The following PRPSAP2 variants were observed in gnomAD, a reference collection of about 807,000 sequenced individuals.
PRPSAP2 encodes the protein phosphoribosyl pyrophosphate synthase-associated protein 2.
In PRPSAP2, 24 loss-of-function variants were observed where a neutral mutation model predicts 40.6. The observed-to-expected ratio is 0.59, with a 90% CI of 0.43 to 0.83. PRPSAP2 has a LOEUF of 0.83. PRPSAP2 is among the 40% of genes least tolerant of loss of function. The probability of loss-of-function intolerance (pLI) is 0.00; values close to 1 mark genes in which losing one functional copy is unlikely to be tolerated. For missense variants in PRPSAP2, 292 were observed against 465.6 expected (o/e 0.63, Z 3.43); for synonymous variants, 149 against 164.7 (o/e 0.90, Z 0.73).
chr17:18,916,192 T>C (rs535250369), intron 9 of PRPSAP2, among the ~76,000 whole-genome samples: 1 of 152,022 alleles, frequency 6.6e-6, no homozygotes, highest in Non-Finnish European at 1.5e-5. Flanking sequence ...GAGCTCCCCT[T>C]TACGGTCTGT....
intron 5 of PRPSAP2, among the ~76,000 whole-genome samples, chr17:18,873,809 A>C (rs1479673455): frequency 6.6e-6 from 1 of 152,114 alleles, no homozygotes; most frequent in Non-Finnish European, 1.5e-5. Context: ...GTTTGGTCAC[A>C]TATGTTTAAG....
upstream of PRPSAP2, among the ~76,000 whole-genome samples, chr17:18,857,590 T>TTA (rs1555545143): frequency 6.0e-5 from 9 of 150,068 alleles, 1 homozygote; most frequent in African/African-American, 2.2e-4. Flanking sequence ...ATTTTTTTTT[T>TTA]TTGTATTTTT....
chr17:18,882,759 C>G (rs2038854468), intron 7 of PRPSAP2, 76 bp downstream of exon 7: 1 of 937,934 alleles, frequency 1.1e-6, no homozygotes, highest in Non-Finnish European at 1.7e-6. Context: ...CTTAGGATAC[C>G]CCTAAAGGAT....
chr17:18,892,745 A>ATTTGTTTAT (rs57347460), intron 8 of PRPSAP2, among the ~76,000 whole-genome samples: 1 of 125,706 alleles, frequency 8.0e-6, no homozygotes, highest in East Asian at 2.3e-4. Context: ...TTATTTATTT[A>ATTTGTTTAT]TTTTTTTGAG....
At chr17:18,925,584 A>G (rs1487746668) in intron 10 of PRPSAP2, among the ~76,000 whole-genome samples, 3 of 152,208 alleles carry the variant, frequency 2.0e-5, no homozygotes, top group Non-Finnish European at 4.4e-5. Flanking sequence ...CAACTGATTG[A>G]GGCAATGGTA....
At chr17:18,868,448 C>CT (rs1043878072) in intron 4 of PRPSAP2, among the ~76,000 whole-genome samples, 43 of 150,246 alleles carry the variant, frequency 2.9e-4, no homozygotes, top group Non-Finnish European at 4.7e-4. Context: ...GCACTCCAGC[C>CT]TGGGGGGGAA....
intron 9 of PRPSAP2, among the ~76,000 whole-genome samples, chr17:18,921,093 C>T (rs1288867820): frequency 6.6e-6 from 1 of 152,034 alleles, no homozygotes; most frequent in Admixed American, 6.6e-5. Flanking sequence ...CAGGCTCAAG[C>T]GATTTGTCCA....
At chr17:18,891,265 A>G (rs1340352807) in intron 8 of PRPSAP2, among the ~76,000 whole-genome samples, 1 of 152,186 alleles carries the variant, frequency 6.6e-6, no homozygotes. Flanking sequence ...TAAGTCATTG[A>G]CGTTATGAAT....
chr17:18,924,360 G>T (rs16964785), intron 10 of PRPSAP2, among the ~76,000 whole-genome samples: 4 of 152,154 alleles, frequency 2.6e-5, no homozygotes, highest in African/African-American at 4.8e-5. Flanking sequence ...TTAATTCTGG[G>T]CATATAAAGG....
In PRPSAP2 at chr17:18,880,066, A is replaced by G. The variant is rs934065924; in HGVS notation, c.412+2196A>G. Reference sequence around the variant, plus strand: ...AACCAAGATCATGCCGTTGCACTCCAGCCTGGGCAACAAGAGCAAAACTCC... The same window carrying G: ...AACCAAGATCATGCCGTTGCACTCCGGCCTGGGCAACAAGAGCAAAACTCC... On this transcript the variant is annotated intron_variant, in intron 6 of 11. Coordinates refer to ENST00000268835, the MANE Select transcript of PRPSAP2 (RefSeq NM_002767.4). Among the ~76,000 whole-genome samples the G allele has an allele frequency of 1.3e-4, 20 of 152,234 alleles. No homozygotes were observed. The South Asian group carries it at 4.1e-3, about 32-fold the overall frequency.
chr17:18,869,067 G>T (rs1044175689), intron 4 of PRPSAP2, among the ~76,000 whole-genome samples: 6 of 152,138 alleles, frequency 3.9e-5, no homozygotes, highest in Non-Finnish European at 8.8e-5. Flanking sequence ...GGGATTGAAT[G>T]ATGTTCTTTG....
chr17:18,924,521 C>T (rs2041864894), intron 10 of PRPSAP2, among the ~76,000 whole-genome samples: 2 of 152,134 alleles, frequency 1.3e-5, no homozygotes, highest in South Asian at 2.1e-4. Flanking sequence ...GTAATCCCAG[C>T]ACTTTGGGAC....
chr17:18,871,065 G>A (rs1377077631), intron 4 of PRPSAP2, among the ~76,000 whole-genome samples: 1 of 151,934 alleles, frequency 6.6e-6, no homozygotes, highest in Non-Finnish European at 1.5e-5. Context: ...TGTCACCCAG[G>A]CTGGAGTGCA....
chr17:18,924,035 G>GTTGA (rs145452716), intron 10 of PRPSAP2, 51 bp downstream of exon 10: 66 of 1,494,452 alleles, frequency 4.4e-5, no homozygotes, highest in Admixed American at 1.4e-4. Flanking sequence ...TTGTTATTCT[G>GTTGA]TTGATTGATT....
At chr17:18,860,858 T>C (rs1419788550) in intron 1 of PRPSAP2, among the ~76,000 whole-genome samples, 4 of 152,200 alleles carry the variant, frequency 2.6e-5, no homozygotes, top group Non-Finnish European at 4.4e-5. Context: ...TAAAATCTTA[T>C]TCAAAAGAGG....
intron 4 of PRPSAP2, 102 bp from the exon 5 acceptor site, chr17:18,872,481 G>A (rs2037963429): frequency 1.2e-6 from 1 of 851,302 alleles, no homozygotes; most frequent in East Asian, 2.5e-5. Context: ...AGTTTGAGTT[G>A]CCATATTCTA....
intron 8 of PRPSAP2, among the ~76,000 whole-genome samples, chr17:18,909,497 G>GC (rs2040824376): frequency 6.6e-6 from 1 of 151,796 alleles, no homozygotes; most frequent in Admixed American, 6.6e-5. Context: ...GCCCACCTTG[G>GC]CCTCCCAAAG....
In PRPSAP2 at chr17:18,885,403, C is replaced by CAAAAAA. The variant is rs775079199; in HGVS notation, c.528+2741_528+2746dup. On this transcript the variant is annotated intron_variant, in intron 7 of 11. Coordinates refer to ENST00000268835, the MANE Select transcript of PRPSAP2 (RefSeq NM_002767.4). ...GGCGACAGAGTGAGATTCCTTCTCACAAAAAAAAAAAAAAAAAAAAAAAAA... is the reference window on the plus strand; with the variant it reads ...GGCGACAGAGTGAGATTCCTTCTCACAAAAAAAAAAAAAAAAAAAAAAAAAAAAAAA... Among the ~76,000 whole-genome samples the CAAAAAA allele has an allele frequency of 4.3e-3, 47 of 10,886 alleles. 11 individuals carry two copies. Among genetic ancestry groups the CAAAAAA allele is most frequent in the Non-Finnish European group, 8.3e-3 (30 of 3,628 alleles). The allele number at this position is 10,886 out of a possible 152,430, so 7.1% of individuals were successfully genotyped here.
intron 8 of PRPSAP2, among the ~76,000 whole-genome samples, chr17:18,910,092 A>G (rs2040866654): frequency 6.6e-6 from 1 of 152,130 alleles, no homozygotes; most frequent in Non-Finnish European, 1.5e-5. Flanking sequence ...ATGTTATTCC[A>G]TGGATGAATC....
Sources: gnomAD v4.1 joint callset for allele counts (sites outside exome capture counted in the v4.1 genomes callset) on GRCh38, gnomAD v4.1.1 for gene constraint, MANE v1.5 for transcripts, NCBI Gene and HGNC (gene_info 2026-07-23, HGNC 2026-07-21) for gene names.